The following CLDN14 variants were observed in gnomAD, a reference collection of about 807,000 sequenced individuals.
CLDN14 encodes the protein claudin-14.
Under a neutral mutation model 2.1 loss-of-function variants are expected in CLDN14, and 2 were observed. That is an observed-to-expected ratio of 0.96 (90% CI 0.39 to 3.01). CLDN14 has a LOEUF of 3.01. Ranked by LOEUF, CLDN14 falls within the 30% of genes most tolerant of loss-of-function variation. CLDN14 has a pLI of 0.09. For missense variants in CLDN14, 298 were observed against 328.0 expected (o/e 0.91, Z 0.71); for synonymous variants, 136 against 154.4 (o/e 0.88, Z 0.88).
At chr21:36,496,436 C>CAAA (rs60272055) in intron 2 of CLDN14, among the ~76,000 whole-genome samples, 3 of 95,500 alleles carry the variant, frequency 3.1e-5, no homozygotes, top group African/African-American at 1.3e-4. Flanking sequence ...GACCTTGTTT[C>CAAA]AAAAAAAAAA....
intron 1 of CLDN14, among the ~76,000 whole-genome samples, chr21:36,539,559 GGAGT>G (rs1345990727): frequency 3.4e-5 from 5 of 147,650 alleles, no homozygotes; most frequent in African/African-American, 1.0e-4. Flanking sequence ...GAGTGTGTGT[GGAGT>G]GAGTGTGTGC....
At chr21:36,522,757 T>G (rs1402361830) in intron 1 of CLDN14, among the ~76,000 whole-genome samples, 1 of 152,104 alleles carries the variant, frequency 6.6e-6, no homozygotes, top group Non-Finnish European at 1.5e-5. Context: ...GTGCTGAAGG[T>G]AAGTTTGAGA....
intron 1 of CLDN14, among the ~76,000 whole-genome samples, chr21:36,531,447 T>A (rs1390833240): frequency 1.3e-5 from 2 of 151,870 alleles, no homozygotes; most frequent in African/African-American, 4.8e-5. Flanking sequence ...GTATTTTTAG[T>A]ACAGACAGGG....
chr21:36,504,347 T>C (rs2087113875), intron 2 of CLDN14, among the ~76,000 whole-genome samples: 2 of 151,800 alleles, frequency 1.3e-5, no homozygotes, highest in South Asian at 4.2e-4. Context: ...AAGAAAAAAA[T>C]ACAATATTTT....
chr21:36,563,893 A>G (rs2146525502), intron 1 of CLDN14, among the ~76,000 whole-genome samples: 1 of 152,256 alleles, frequency 6.6e-6, no homozygotes, highest in South Asian at 2.1e-4. Context: ...CCATTACGCC[A>G]TATTTGAATT....
chr21:36,534,766 T>C (rs2087411018), intron 1 of CLDN14, among the ~76,000 whole-genome samples: 1 of 152,214 alleles, frequency 6.6e-6, no homozygotes, highest in Non-Finnish European at 1.5e-5. Flanking sequence ...AATCCTGCTC[T>C]TGCTCATTCC....
At chr21:36,467,323 C>CA (rs1301115889) in intron 1 of CLDN14, among the ~76,000 whole-genome samples, 1 of 152,308 alleles carries the variant, frequency 6.6e-6, no homozygotes, top group South Asian at 2.1e-4. Flanking sequence ...ATTTCAACAG[C>CA]AGTGGCCATG....
chr21:36,477,404 C>T (rs915646023), intron 1 of CLDN14: 4 of 152,200 alleles, frequency 2.6e-5, no homozygotes, highest in Non-Finnish European at 4.4e-5. Flanking sequence ...GATGCCTCTG[C>T]GAATATCTGC....
chr21:36,535,034 G>A (rs2087413140), intron 1 of CLDN14, among the ~76,000 whole-genome samples: 1 of 152,218 alleles, frequency 6.6e-6, no homozygotes, highest in South Asian at 2.1e-4. Flanking sequence ...GACTTTGCCT[G>A]AAAATGGGAT....
At chr21:36,540,772 TGATAAATA>T (rs955206000) in intron 1 of CLDN14, among the ~76,000 whole-genome samples, 3 of 152,064 alleles carry the variant, frequency 2.0e-5, no homozygotes, top group Admixed American at 6.5e-5. Context: ...TTACAGGTGG[TGATAAATA>T]GTTAGATGTT....
intron 1 of CLDN14, among the ~76,000 whole-genome samples, chr21:36,537,136 G>C (rs954005644): frequency 6.6e-6 from 1 of 152,182 alleles, no homozygotes; most frequent in African/African-American, 2.4e-5. Flanking sequence ...GTTGCAGTGA[G>C]CCGGAGATGG....
intron 2 of CLDN14, chr21:36,486,414 C>CGCT: frequency 8.0e-7 from 1 of 1,250,398 alleles, no homozygotes; most frequent in East Asian, 2.3e-5. Context: ...CTCATCCTGC[C>CGCT]GCTGCTGCTG....
chr21:36,489,131 A>AAAAAAATAT, intron 2 of CLDN14, among the ~76,000 whole-genome samples: 23 of 62,736 alleles, frequency 3.7e-4, no homozygotes, highest in Non-Finnish European at 5.7e-4. Flanking sequence ...AAAAAAAAAA[A>AAAAAAATAT]ATATATATAT....
intron 2 of CLDN14, among the ~76,000 whole-genome samples, chr21:36,496,436 CA>C (rs60272055): frequency 0.51 from 49,111 of 95,650 alleles, 10,993 homozygotes; most frequent in Middle Eastern, 0.56. Context: ...GACCTTGTTT[CA>C]AAAAAAAAAA....
At chr21:36,558,493 A>ATT (rs143355238) in intron 1 of CLDN14, among the ~76,000 whole-genome samples, 1 of 151,810 alleles carries the variant, frequency 6.6e-6, no homozygotes, top group Non-Finnish European at 1.5e-5. Context: ...AGCATACAAG[A>ATT]CTTTTACTTC....
rs532569815 is a variant in CLDN14 at position 36,520,184 on chromosome 21, C to T, written c.-219-9684G>A. ...ATCTCTGCCTCTGCCTTCACATGGCCGTCTTCCCTCTGTGGGTCTGTGTGT... is the reference window on the plus strand; with the variant it reads ...ATCTCTGCCTCTGCCTTCACATGGCTGTCTTCCCTCTGTGGGTCTGTGTGT... On this transcript the variant is annotated intron_variant, in intron 1 of 2. Coordinates refer to the CLDN14 transcript ENST00000342108. Among the ~76,000 whole-genome samples, 10 of 152,024 alleles carry T rather than the reference C, an allele frequency of 6.6e-5. No individual in the cohort carries two copies. The South Asian group carries it at 1.2e-3, about 19-fold the overall frequency.
At chr21:36,508,993 G>C (rs559610125) in intron 2 of CLDN14, among the ~76,000 whole-genome samples, 1 of 152,202 alleles carries the variant, frequency 6.6e-6, no homozygotes, top group Non-Finnish European at 1.5e-5. Flanking sequence ...GCTGCTCCCC[G>C]CTGGCCCTTT....
At chr21:36,546,848 C>A (rs2087529067) in intron 1 of CLDN14, among the ~76,000 whole-genome samples, 1 of 152,180 alleles carries the variant, frequency 6.6e-6, no homozygotes, top group Admixed American at 6.5e-5. Context: ...ATAACCACAA[C>A]AAATCAGCAG....
intron 1 of CLDN14, among the ~76,000 whole-genome samples, chr21:36,467,009 G>A (rs1485107012): frequency 6.6e-6 from 1 of 152,176 alleles, no homozygotes; most frequent in Non-Finnish European, 1.5e-5. Context: ...CCAGCAGAGA[G>A]AGTATCAGAA....
Sources: allele counts gnomAD v4.1 joint callset (sites outside exome capture counted in the v4.1 genomes callset), GRCh38; gene constraint gnomAD v4.1.1; transcripts MANE v1.5; gene names NCBI Gene and HGNC (gene_info 2026-07-23, HGNC 2026-07-21).